Variants in WNT9B observed in about 807,000 individuals in gnomAD.
WNT9B encodes Wnt family member 9B.
In WNT9B, 12 loss-of-function variants were observed where a neutral mutation model predicts 30.2. The ratio of observed to expected loss-of-function variants is 0.40; its 90% CI spans 0.26 to 0.64. The LOEUF is 0.64. WNT9B is among the 30% of genes least tolerant of loss of function. WNT9B has a pLI of 0.42. For missense variants in WNT9B, 442 were observed against 485.2 expected (o/e 0.91, Z 0.84); for synonymous variants, 218 against 216.9 (o/e 1.01, Z -0.05).
chr17:46,836,095 CGTGTGTGTGTGT>C (rs59862934), intron 1 of WNT9B, among the ~76,000 whole-genome samples: 16 of 126,430 alleles, frequency 1.3e-4, no homozygotes, highest in Non-Finnish European at 2.1e-4. Context: ...GAGACGCTGA[CGTGTGTGTGTGT>C]GTGTGTGTGT....
chr17:46,883,199 G>A (rs2146626225), downstream of WNT9B, among the ~76,000 whole-genome samples: 1 of 151,802 alleles, frequency 6.6e-6, no homozygotes, highest in Non-Finnish European at 1.5e-5. Flanking sequence ...AGCCAGGATG[G>A]TCTTGATCTC....
At chr17:46,883,798 G>T (rs1188625813), downstream of WNT9B, among the ~76,000 whole-genome samples, 1 of 152,114 alleles carries the variant, frequency 6.6e-6, no homozygotes, top group Non-Finnish European at 1.5e-5. Flanking sequence ...GGTCCTCCTT[G>T]TCTTCTCCTC....
At chr17:46,839,322 A>G (rs182116284) in intron 1 of WNT9B, among the ~76,000 whole-genome samples, 9 of 152,284 alleles carry the variant, frequency 5.9e-5, no homozygotes, top group Admixed American at 2.0e-4. Context: ...GCCACTGCCA[A>G]TGGGACCAGC....
chr17:46,882,888 T>G (rs1294743857), downstream of WNT9B, among the ~76,000 whole-genome samples: 1 of 152,080 alleles, frequency 6.6e-6, no homozygotes, highest in Non-Finnish European at 1.5e-5. Context: ...AATAGGTGGC[T>G]CTGTGCAGGC....
Position 46,878,284 on chromosome 17 carries a change from G to A in WNT9B, c.*1566G>A, listed in dbSNP as rs1262760013. ...GAGTTGCTGACCCTTCACCAACACA[G>A]GAAATTTCAGAATCAGCTGAATGCT... On this transcript the variant is annotated 3_prime_UTR_variant, in exon 4 of 4. Transcript: ENST00000290015. Among the ~76,000 whole-genome samples, 3 of 152,220 alleles carry A rather than the reference G, an allele frequency of 2.0e-5. No homozygotes were observed. Among genetic ancestry groups the A allele is most frequent in the Non-Finnish European group, 4.4e-5 (3 of 68,042 alleles).
chr17:46,867,655 T>C (rs1233043892), intron 1 of WNT9B, among the ~76,000 whole-genome samples: 1 of 152,184 alleles, frequency 6.6e-6, no homozygotes, highest in Non-Finnish European at 1.5e-5. Flanking sequence ...TCTGCTTCCT[T>C]CAAGGTCACC....
intron 1 of WNT9B, among the ~76,000 whole-genome samples, chr17:46,855,941 A>G (rs2120202): frequency 0.3 from 45,760 of 152,122 alleles, 9,075 homozygotes; most frequent in East Asian, 0.83. Flanking sequence ...CACCCACCTC[A>G]GCCTCCCAAA....
chr17:46,871,401 A>G (rs1012491120), intron 1 of WNT9B, among the ~76,000 whole-genome samples: 2 of 152,160 alleles, frequency 1.3e-5, no homozygotes, highest in Non-Finnish European at 2.9e-5. Context: ...TCTAATTCCA[A>G]TTCCCACCCT....
downstream of WNT9B, among the ~76,000 whole-genome samples, chr17:46,883,360 C>T (rs532008416): frequency 6.6e-6 from 1 of 151,002 alleles, no homozygotes; most frequent in African/African-American, 2.4e-5. Flanking sequence ...TCTTGGCTCA[C>T]TACAACCTCC....
rs752297290 is a variant in WNT9B, at chr17:46,852,376, AGT to A, written c.77+663_77+664del. 2.5e-3 allele frequency among the ~76,000 whole-genome samples: 377 copies of A among 148,518 alleles called. 3 individuals are homozygous for A. The highest frequency in any genetic ancestry group is 4.0e-3 in the Admixed American group (60 of 14,860). On this transcript the variant is annotated intron_variant, in intron 1 of 3. Transcript: ENST00000290015. ...GATTTCTCAGGAGAACACTGGAAAG[AGT>A]GAGAGGGCCCAGTGTGTGTGTGTGT...
intron 1 of WNT9B, among the ~76,000 whole-genome samples, chr17:46,840,267 T>C (rs2084697497): frequency 6.6e-6 from 1 of 152,166 alleles, no homozygotes; most frequent in East Asian, 1.9e-4. Flanking sequence ...TTTATATTTT[T>C]AGTAGAGACG....
chr17:46,836,951 TC>T (rs2084639070), intron 1 of WNT9B, among the ~76,000 whole-genome samples: 1 of 152,208 alleles, frequency 6.6e-6, no homozygotes, highest in South Asian at 2.1e-4. Flanking sequence ...TTTCTTTTTT[TC>T]TTTTTTTTGA....
intron 1 of WNT9B, among the ~76,000 whole-genome samples, chr17:46,855,227 G>A (rs530425197): frequency 6.6e-6 from 1 of 152,338 alleles, no homozygotes; most frequent in South Asian, 2.1e-4. Flanking sequence ...GGCCGAAGGG[G>A]GTGAGGGTGG....
At chr17:46,859,579 T>G (rs1265532066) in intron 1 of WNT9B, among the ~76,000 whole-genome samples, 2 of 152,232 alleles carry the variant, frequency 1.3e-5, no homozygotes, top group Non-Finnish European at 2.9e-5. Context: ...GCCTTTTATA[T>G]TCCTAGATTA....
chr17:46,858,083 C>T (rs2084969041), intron 1 of WNT9B, among the ~76,000 whole-genome samples: 1 of 152,080 alleles, frequency 6.6e-6, no homozygotes, highest in Middle Eastern at 3.2e-3. Flanking sequence ...GCATGCGCCA[C>T]CATGCTCGGC....
chr17:46,868,287 T>C (rs1568127271), intron 1 of WNT9B, among the ~76,000 whole-genome samples: 1 of 152,194 alleles, frequency 6.6e-6, no homozygotes, highest in African/African-American at 2.4e-5. Flanking sequence ...TAAGGCAGCA[T>C]CTTCATTAAG....
At chr17:46,844,202 C>T (rs1434120712) in intron 1 of WNT9B, among the ~76,000 whole-genome samples, 1 of 152,064 alleles carries the variant, frequency 6.6e-6, no homozygotes, top group Non-Finnish European at 1.5e-5. Flanking sequence ...AGCAATCCTC[C>T]TGCCTCAGTC....
In WNT9B at chr17:46,875,091, C is replaced by T; in HGVS notation, c.335-10C>T. ...TCCTCCCTCCCTATGCCCCTGGGTG[C>T]CCGATCCAGGCTTCAAAGAGACAGC... is the stretch of plus-strand genomic sequence containing the variant. On this transcript the variant is annotated splice_polypyrimidine_tract_variant and intron_variant, in intron 2 of 3. Transcript: ENST00000290015. 6.2e-7 allele frequency: 1 copy of T among 1,613,600 alleles called. No homozygotes were observed. Among genetic ancestry groups the T allele is most frequent in the Non-Finnish European group, 8.5e-7 (1 of 1,180,022 alleles).
chr17:46,872,412 C>T (rs2085262973), intron 1 of WNT9B, 105 bp from the exon 2 acceptor site: 3 of 1,384,854 alleles, frequency 2.2e-6, no homozygotes, highest in Non-Finnish European at 2.8e-6. Flanking sequence ...CAGCCTGCTG[C>T]CCAGAAGGGC....
Sources: gnomAD v4.1 joint callset for allele counts (sites outside exome capture counted in the v4.1 genomes callset) on GRCh38, gnomAD v4.1.1 for gene constraint, MANE v1.5 for transcripts, NCBI Gene and HGNC (gene_info 2026-07-23, HGNC 2026-07-21) for gene names.